The following RSRC1 variants were observed in gnomAD, a reference collection of about 807,000 sequenced individuals.
RSRC1 encodes the protein arginine and serine rich coiled-coil 1.
RSRC1 carries 39 observed loss-of-function variants against 49.1 expected under a neutral mutation model. The observed-to-expected ratio is 0.79, with a 90% CI of 0.61 to 1.04. The LOEUF is 1.04. Among genes scored for constraint, RSRC1 ranks in the 50% least tolerant of loss-of-function variants. RSRC1 has a pLI of 0.00. For synonymous variants in RSRC1, 143 were observed against 130.8 expected (o/e 1.09, Z -0.63); for missense variants, 388 against 402.4 (o/e 0.96, Z 0.31).
intron 4 of RSRC1, among the ~76,000 whole-genome samples, chr3:158,256,499 A>G (rs1724568322): frequency 6.6e-6 from 1 of 152,182 alleles, no homozygotes; most frequent in Non-Finnish European, 1.5e-5. Flanking sequence ...GATGTTCATC[A>G]GGGGTATTGG....
rs139678130 is a variant in RSRC1 at position 158,164,220 on chromosome 3, G to A, written c.321-38852G>A. Among the ~76,000 whole-genome samples, 31 of 152,180 alleles carry A rather than the reference G, an allele frequency of 2.0e-4. No individual in the cohort carries two copies. In the East Asian group the frequency reaches 5.8e-3, roughly 28 times the overall value. On this transcript the variant is annotated intron_variant, in intron 3 of 9. Coordinates refer to ENST00000611884, the MANE Select transcript of RSRC1 (RefSeq NM_001271838.2). ...TACATGGAAAAAGACAAGGAGGGAA[G>A]ATTAATGAGCAAACGCAAATTACAG...
intron 4 of RSRC1, among the ~76,000 whole-genome samples, chr3:158,263,599 T>C (rs1432240115): frequency 6.6e-6 from 1 of 152,118 alleles, no homozygotes; most frequent in Non-Finnish European, 1.5e-5. Context: ...GAATTTGTAT[T>C]ATTTGATTAT....
At chr3:158,209,698 T>C (rs1416064210) in intron 4 of RSRC1, among the ~76,000 whole-genome samples, 1 of 152,166 alleles carries the variant, frequency 6.6e-6, no homozygotes, top group African/African-American at 2.4e-5. Context: ...TTTACTGAAA[T>C]ACTTGTATTT....
chr3:158,470,717 T>A (rs1014040746), intron 7 of RSRC1, among the ~76,000 whole-genome samples: 10 of 152,186 alleles, frequency 6.6e-5, no homozygotes, highest in African/African-American at 2.4e-4. Context: ...AATTTATGTA[T>A]ATAAAACCAT....
chr3:158,169,873 T>C (rs1329853293), intron 3 of RSRC1, among the ~76,000 whole-genome samples: 1 of 152,190 alleles, frequency 6.6e-6, no homozygotes, highest in Admixed American at 6.5e-5. Context: ...GAGAATATAA[T>C]CTTACTATTA....
intron 6 of RSRC1, among the ~76,000 whole-genome samples, chr3:158,362,694 T>C (rs1433824173): frequency 6.6e-6 from 1 of 152,212 alleles, no homozygotes; most frequent in African/African-American, 2.4e-5. Flanking sequence ...GAAGTTTAGG[T>C]AAGGACTCCT....
chr3:158,123,181 A>G (rs1403114754), intron 2 of RSRC1, among the ~76,000 whole-genome samples: 1 of 152,080 alleles, frequency 6.6e-6, no homozygotes, highest in Admixed American at 6.6e-5. Context: ...CTAGTTTTGT[A>G]TTTTTAGTAG....
chr3:158,305,403 G>T (rs1727782917), intron 5 of RSRC1, among the ~76,000 whole-genome samples: 1 of 152,110 alleles, frequency 6.6e-6, no homozygotes, highest in African/African-American at 2.4e-5. Flanking sequence ...ATGCATTAAA[G>T]TAACTCCCAC....
chr3:158,383,144 G>A (rs1325690906), intron 6 of RSRC1, among the ~76,000 whole-genome samples: 1 of 152,122 alleles, frequency 6.6e-6, no homozygotes, highest in Non-Finnish European at 1.5e-5. Flanking sequence ...TCTAGTGACT[G>A]GCATATCTTT....
At chr3:158,207,343 T>C (rs557243118) in intron 4 of RSRC1, among the ~76,000 whole-genome samples, 26 of 152,290 alleles carry the variant, frequency 1.7e-4, no homozygotes, top group African/African-American at 5.8e-4. Context: ...CGTTCTTACT[T>C]TCCCACCTCA....
chr3:158,270,009 T>C lies in RSRC1; in HGVS notation c.495-28030T>C, dbSNP rs573618246. ...CCCTGTAAGTTAGAAGCTGTATTTC[T>C]GTAGACAGAAGATTTTGTTTCCTGG... On this transcript the variant is annotated intron_variant, in intron 4 of 9. Transcript: ENST00000611884. 2.0e-5 allele frequency among the ~76,000 whole-genome samples: 3 copies of C among 152,326 alleles called. No individual in the cohort carries two copies. The East Asian group carries it at 5.8e-4, about 29-fold the overall frequency.
chr3:158,134,700 G>A (rs573093042), intron 3 of RSRC1, among the ~76,000 whole-genome samples: 1 of 152,262 alleles, frequency 6.6e-6, no homozygotes, highest in East Asian at 1.9e-4. Context: ...TTGGCAATGT[G>A]TAACTAGGAA....
intron 3 of RSRC1, among the ~76,000 whole-genome samples, chr3:158,172,070 C>T (rs967493334): frequency 2.0e-5 from 3 of 151,780 alleles, no homozygotes; most frequent in African/African-American, 4.8e-5. Context: ...ACATGTGAGA[C>T]AATAATAAAA....
intron 5 of RSRC1, among the ~76,000 whole-genome samples, chr3:158,311,082 C>T (rs941106864): frequency 1.3e-5 from 2 of 151,850 alleles, no homozygotes; most frequent in African/African-American, 4.8e-5. Flanking sequence ...ATTGATATGT[C>T]ATTGATATGT....
At chr3:158,200,195 G>A (rs1481804021) in intron 3 of RSRC1, among the ~76,000 whole-genome samples, 1 of 151,860 alleles carries the variant, frequency 6.6e-6, no homozygotes, top group Non-Finnish European at 1.5e-5. Context: ...CCGCCACCAT[G>A]CCCAGCTAAT....
At chr3:158,271,019 C>A (rs1237755753) in intron 4 of RSRC1, among the ~76,000 whole-genome samples, 4 of 152,014 alleles carry the variant, frequency 2.6e-5, no homozygotes, top group African/African-American at 9.7e-5. Context: ...AGGATTATCC[C>A]CGTGTCATAT....
At chr3:158,178,113 G>T (rs1719352548) in intron 3 of RSRC1, among the ~76,000 whole-genome samples, 1 of 151,538 alleles carries the variant, frequency 6.6e-6, no homozygotes, top group South Asian at 2.1e-4. Context: ...TTGTTGTTTT[G>T]TTTTTTTGTT....
intron 4 of RSRC1, among the ~76,000 whole-genome samples, chr3:158,268,555 A>G (rs1470376657): frequency 6.6e-6 from 1 of 152,186 alleles, no homozygotes; most frequent in Non-Finnish European, 1.5e-5. Context: ...GGAGTGTCCC[A>G]ACACCAGAAA....
At chr3:158,218,637 G>C (rs1322514017) in intron 4 of RSRC1, among the ~76,000 whole-genome samples, 1 of 151,576 alleles carries the variant, frequency 6.6e-6, no homozygotes, top group Non-Finnish European at 1.5e-5. Flanking sequence ...GAACTCAGGA[G>C]AGTTTTAACA....
Sources: allele counts gnomAD v4.1 joint callset (sites outside exome capture counted in the v4.1 genomes callset), GRCh38; gene constraint gnomAD v4.1.1; transcripts MANE v1.5; gene names NCBI Gene and HGNC (gene_info 2026-07-23, HGNC 2026-07-21).